WDFY4: variants seen among roughly 807,000 people sequenced by gnomAD.
WDFY4 encodes the protein WDFY family member 4.
In WDFY4, 169 loss-of-function variants were observed where a neutral mutation model predicts 351.9. The observed-to-expected ratio is 0.48, with a 90% confidence interval of 0.42 to 0.55. The LOEUF is 0.55. Ranked by LOEUF, WDFY4 falls within the 20% of genes least tolerant of loss-of-function variation. The pLI, the probability that WDFY4 is intolerant of heterozygous loss-of-function variation, is 0.00. For missense variants in WDFY4, 3,803 were observed against 3,935.6 expected (o/e 0.97, Z 0.90); for synonymous variants, 1,622 against 1,574.6 (o/e 1.03, Z -0.71).
intron 39 of WDFY4, among the ~76,000 whole-genome samples, chr10:48,845,853 C>A (rs1372492071): frequency 2.0e-5 from 3 of 152,114 alleles, no homozygotes; most frequent in Non-Finnish European, 4.4e-5. Flanking sequence ...CGTCACATAC[C>A]AGCACTGTGC....
intron 39 of WDFY4, among the ~76,000 whole-genome samples, chr10:48,864,947 T>G (rs2069488939): frequency 6.6e-6 from 1 of 152,182 alleles, no homozygotes. Flanking sequence ...CATTTATTGG[T>G]CCTAGCAGTT....
rs566224330 is a variant in WDFY4, at chr10:48,721,815, G to A, written c.456+448G>A. On this transcript the variant is annotated intron_variant, in intron 4 of 61. Transcript: ENST00000325239. ...GTGATGAGAACGCAGGCTTACCTAC[G>A]CTGTGCACCTGCAGTCTATCTGATT... Among the ~76,000 whole-genome samples the A allele has an allele frequency of 5.3e-5, 8 of 152,258 alleles. No individual in the cohort carries two copies. In the South Asian group the frequency reaches 6.2e-4, roughly 12 times the overall value.
At position 48,976,980 on chromosome 10, in the gene WDFY4, G is replaced by A; in HGVS notation, c.9291+1G>A. 1 of 1,440,934 alleles carries A rather than the reference G, an allele frequency of 6.9e-7. No homozygotes were observed. The highest frequency in any genetic ancestry group is 9.2e-7 in the Non-Finnish European group (1 of 1,085,716). 89.3% of individuals were successfully genotyped at this position (1,440,934 alleles called of 1,614,324 possible). A position where few individuals can be genotyped will look rare whatever the true frequency, so the allele number is the denominator to read the frequency against. ...CGGGAGTCAAGACGGCATGGTCCGG[G>A]TAGGTGTGTCTTGGGCAGAATGAGG... is the stretch of plus-strand genomic sequence containing the variant. On this transcript the variant is annotated splice_donor_variant, in intron 59 of 61. Transcript: ENST00000325239. LOFTEE classifies it high-confidence loss of function.
In WDFY4 at chr10:48,822,410, C is replaced by T. The variant is rs1383201213; in HGVS notation, c.5855C>T (p.Ala1952Val). The T allele has an allele frequency of 1.3e-6, 2 of 1,550,044 alleles. No homozygotes were observed. Among genetic ancestry groups the T allele is most frequent in the East Asian group, 2.4e-5 (1 of 40,886 alleles). Residue 1952 changes from alanine (A) to valine (V), a missense_variant, in exon 35 of 62, where the codon GCT becomes GTT. Coordinates refer to ENST00000325239, the MANE Select transcript of WDFY4 (RefSeq NM_001394531.1). Reference sequence around the variant, plus strand: ...AAAGAGCCTCAGCCAAGTGCAGAAGCTGCTGCTGCCCCTTCTCTTGCCAAC... The same window carrying T: ...AAAGAGCCTCAGCCAAGTGCAGAAGTTGCTGCTGCCCCTTCTCTTGCCAAC... ...DGKEPQPSAEAAAAPSLANIS... is the reference protein window; with the variant it reads ...DGKEPQPSAEVAAAPSLANIS...
intron 13 of WDFY4, among the ~76,000 whole-genome samples, chr10:48,763,578 TCA>T (rs1375750903): frequency 6.6e-6 from 1 of 152,218 alleles, no homozygotes; most frequent in Non-Finnish European, 1.5e-5. Flanking sequence ...TGGATGAGCC[TCA>T]GTTTTAGATG....
intron 12 of WDFY4, among the ~76,000 whole-genome samples, chr10:48,753,860 G>A (rs768324828): frequency 7.9e-5 from 12 of 152,164 alleles, no homozygotes; most frequent in Non-Finnish European, 1.6e-4. Flanking sequence ...ATGAATTTGA[G>A]GGTCAGCTGT....
At chr10:48,979,547 GTAAA>G (rs1386465120) in intron 60 of WDFY4, 1 of 150,976 alleles carries the variant, frequency 6.6e-6, no homozygotes, top group Non-Finnish European at 1.5e-5. Flanking sequence ...GGATGGATGG[GTAAA>G]TGGATGGATG....
At chr10:48,734,204 G>A (rs552902362) in intron 10 of WDFY4, among the ~76,000 whole-genome samples, 169 bp downstream of exon 10, 18 of 152,304 alleles carry the variant, frequency 1.2e-4, no homozygotes, top group South Asian at 2.1e-4. Context: ...CAGTAAATTC[G>A]TAGATACTAT....
intron 4 of WDFY4, among the ~76,000 whole-genome samples, chr10:48,722,152 G>A (rs936805697): frequency 3.3e-5 from 5 of 152,182 alleles, no homozygotes; most frequent in Non-Finnish European, 7.3e-5. Flanking sequence ...AGCACATCAC[G>A]CAGCCCTTGT....
chr10:48,852,995 G>A (rs745872232), intron 39 of WDFY4, among the ~76,000 whole-genome samples: 7 of 151,980 alleles, frequency 4.6e-5, no homozygotes, highest in Admixed American at 2.0e-4. Flanking sequence ...AGAAATTACC[G>A]AAGACCAATT....
chr10:48,980,968 T>A (rs1051059036), intron 60 of WDFY4, among the ~76,000 whole-genome samples: 17 of 152,256 alleles, frequency 1.1e-4, no homozygotes, highest in African/African-American at 3.9e-4. Flanking sequence ...GCCGACTTTA[T>A]GTAATTTATT....
At chr10:48,686,697 G>A (rs371463325) in intron 1 of WDFY4, among the ~76,000 whole-genome samples, 18 of 152,144 alleles carry the variant, frequency 1.2e-4, no homozygotes, top group East Asian at 7.7e-4. Context: ...GATAATTAAA[G>A]TTTTCTGCAG....
rs747305431 is a variant in WDFY4 at position 48,806,034 on chromosome 10, G to C, written c.4677G>C (p.Lys1559Asn). 3.9e-6 allele frequency: 6 copies of C among 1,551,600 alleles called. No homozygotes were observed. The African/African-American group carries it at 8.2e-5, about 21-fold the overall frequency. ...GGCTGTTTGTTGTGTACACCCTCAA[G>C]CCTTCGTCGGTGAATGAGAGGCAGA... ...RIGLFVVYTL[K>N]PSSVNERQIC... Residue 1559 changes from lysine to asparagine, a missense_variant, in exon 27 of 62, where the codon AAG becomes AAC. This residue lies in a region of WDFY4 where 3,054 missense variants were observed against 3,148.6 expected (regional missense o/e 0.97). Transcript: ENST00000325239.
intron 39 of WDFY4, among the ~76,000 whole-genome samples, chr10:48,841,953 G>T (rs2068622077): frequency 6.6e-6 from 1 of 152,114 alleles, no homozygotes; most frequent in African/African-American, 2.4e-5. Context: ...TTCAGTGGAT[G>T]TGATGTCCAC....
intron 39 of WDFY4, among the ~76,000 whole-genome samples, chr10:48,850,236 G>A (rs1295748654): frequency 6.6e-6 from 1 of 152,198 alleles, no homozygotes; most frequent in Non-Finnish European, 1.5e-5. Context: ...CACCCTCAAG[G>A]GGTGTGAGCA....
chr10:48,873,432 C>CAGGCCCATA (rs1221471119), intron 40 of WDFY4, 59 bp from the exon 41 acceptor site: 11 of 1,471,746 alleles, frequency 7.5e-6, no homozygotes, highest in Middle Eastern at 1.8e-4. Context: ...GGTTTGGGGC[C>CAGGCCCATA]AGGCCCATAA....
intron 23 of WDFY4, among the ~76,000 whole-genome samples, chr10:48,791,422 A>G (rs1038589056): frequency 1.5e-4 from 23 of 152,330 alleles, no homozygotes; most frequent in Admixed American, 1.0e-3. Context: ...AGTGCTAAGT[A>G]AATGTTAGTC....
chr10:48,943,212 G>A, intron 48 of WDFY4, 118 bp from the exon 49 acceptor site: 5 of 1,218,400 alleles, frequency 4.1e-6, no homozygotes, highest in Non-Finnish European at 5.6e-6. Context: ...CCGAGGGGCT[G>A]GCTGCCTGTC....
chr10:48,790,583 C>G (rs1350721510), intron 22 of WDFY4, 144 bp from the exon 23 acceptor site: 5 of 885,246 alleles, frequency 5.6e-6, no homozygotes, highest in South Asian at 5.2e-5. Flanking sequence ...CTCTTCCCCC[C>G]AGCCTGTCCC....
Sources: gnomAD v4.1 joint callset for allele counts (sites outside exome capture counted in the v4.1 genomes callset) on GRCh38, gnomAD v4.1.1 for gene constraint, gnomAD v4.1.1 regional missense constraint, MANE v1.5 for transcripts, NCBI Gene and HGNC (gene_info 2026-07-23, HGNC 2026-07-21) for gene names.